TSHZ2: variants seen among roughly 807,000 people sequenced by gnomAD.
TSHZ2 encodes teashirt zinc finger homeobox 2.
TSHZ2 carries 21 observed loss-of-function variants against 74.4 expected under a neutral mutation model. The ratio of observed to expected loss-of-function variants is 0.28; its 90% CI spans 0.20 to 0.41. The LOEUF (loss-of-function observed/expected upper bound fraction) is 0.41, where lower values mean the gene tolerates loss of function less well. TSHZ2 is among the 10% of genes least tolerant of loss of function. The pLI, the probability that TSHZ2 is intolerant of heterozygous loss-of-function variation, is 1.00. For synonymous variants in TSHZ2, 540 were observed against 515.3 expected, an observed-to-expected ratio of 1.05 and a Z score of -0.65; for missense variants, 1,244 against 1,293.5, an observed-to-expected ratio of 0.96 and a Z score of 0.59.
chr20:52,972,646 A>C lies in TSHZ2; in HGVS notation c.-648A>C, dbSNP rs1166386052. On this transcript the variant is annotated 5_prime_UTR_variant, in exon 1 of 3. Transcript: ENST00000371497. ...GGGATCTGACAGCAGCCACAAACCT[A>C]CAGTGAGTGATCGCTCTCCCCCCGG... is the stretch of plus-strand genomic sequence containing the variant. The C allele has an allele frequency of 6.6e-6, 1 of 151,800 alleles. No homozygotes were observed. The allele number at this position is 151,800 out of a possible 1,614,324, so 9.4% of individuals were successfully genotyped here. A position where few individuals can be genotyped will look rare whatever the true frequency, so the allele number is the denominator to read the frequency against.
intron 1 of TSHZ2, among the ~76,000 whole-genome samples, chr20:53,001,230 G>GTGTGTGTGTATA (rs1555813624): frequency 7.9e-6 from 1 of 126,114 alleles, no homozygotes; most frequent in African/African-American, 3.0e-5. Flanking sequence ...GTGTGTGTGT[G>GTGTGTGTGTATA]TGTGTGTGTG....
intron 1 of TSHZ2, among the ~76,000 whole-genome samples, chr20:53,189,266 G>A (rs1988674747): frequency 6.6e-6 from 1 of 152,140 alleles, no homozygotes; most frequent in Non-Finnish European, 1.5e-5. Context: ...TATGCAAATA[G>A]CTGCAAGAAG....
At chr20:53,214,581 C>T (rs536595958) in intron 1 of TSHZ2, among the ~76,000 whole-genome samples, 3 of 152,278 alleles carry the variant, frequency 2.0e-5, no homozygotes, top group South Asian at 4.1e-4. Flanking sequence ...GGCATGGTGG[C>T]ACGTGCCTTT....
intron 1 of TSHZ2, among the ~76,000 whole-genome samples, chr20:53,105,795 C>T (rs1297370829): frequency 6.6e-6 from 1 of 151,838 alleles, no homozygotes; most frequent in Non-Finnish European, 1.5e-5. Context: ...TGCAGGCACA[C>T]CCCACCATGC....
chr20:53,407,934 T>C (rs1208140846), intron 2 of TSHZ2, among the ~76,000 whole-genome samples: 1 of 152,174 alleles, frequency 6.6e-6, no homozygotes, highest in African/African-American at 2.4e-5. Flanking sequence ...TTTCCAACCA[T>C]TTAAAAATGT....
At chr20:53,185,614 C>T (rs891177281) in intron 1 of TSHZ2, 13 of 1,534,400 alleles carry the variant, frequency 8.5e-6, no homozygotes, top group Non-Finnish European at 1.0e-5. Context: ...AGCAAGACTC[C>T]ATCTCAAAAA....
intron 2 of TSHZ2, among the ~76,000 whole-genome samples, chr20:53,440,856 A>AAAAAC (rs1984285018): frequency 6.6e-6 from 1 of 152,248 alleles, no homozygotes; most frequent in Non-Finnish European, 1.5e-5. Context: ...CACGTTGGGA[A>AAAAAC]AAAACAAGAC....
chr20:53,290,266 A>G (rs547800977), intron 2 of TSHZ2, among the ~76,000 whole-genome samples: 1 of 151,710 alleles, frequency 6.6e-6, no homozygotes, highest in African/African-American at 2.4e-5. Flanking sequence ...CTTGGCCCCT[A>G]TATGCACTGC....
intron 1 of TSHZ2, among the ~76,000 whole-genome samples, chr20:53,120,906 A>G (rs991494581): frequency 6.6e-6 from 1 of 152,218 alleles, no homozygotes; most frequent in Non-Finnish European, 1.5e-5. Flanking sequence ...TGACAATCAA[A>G]TCATAGAAGA....
In TSHZ2 at chr20:53,492,272, C is replaced by T. The variant is rs1330018185; in HGVS notation, c.*5137C>T. The T allele has an allele frequency of 1.3e-5, 2 of 152,116 alleles. No homozygotes were observed. Among genetic ancestry groups the T allele is most frequent in the Non-Finnish European group, 2.9e-5 (2 of 68,018 alleles). 9.4% of individuals were successfully genotyped at this position (152,116 alleles called of 1,614,324 possible). A position where few individuals can be genotyped will look rare whatever the true frequency, so the allele number is the denominator to read the frequency against. On this transcript the variant is annotated 3_prime_UTR_variant, in exon 3 of 3. Coordinates refer to ENST00000371497, the MANE Select transcript of TSHZ2 (RefSeq NM_173485.6). ...AGTAATATTTTCACTTTCTAAATGA[C>T]CCATATAACATTCAGGAATTATAGA... is the stretch of plus-strand genomic sequence containing the variant.
intron 1 of TSHZ2, among the ~76,000 whole-genome samples, chr20:53,214,925 G>T (rs898440855): frequency 6.6e-6 from 1 of 152,120 alleles, no homozygotes; most frequent in African/African-American, 2.4e-5. Flanking sequence ...ATTTGTGAAG[G>T]ATGTGGCATT....
intron 1 of TSHZ2, among the ~76,000 whole-genome samples, chr20:53,095,735 C>T (rs1262199236): frequency 6.6e-6 from 1 of 152,114 alleles, no homozygotes; most frequent in Non-Finnish European, 1.5e-5. Context: ...TGGCCTCTAC[C>T]CCTGTGATGC....
intron 1 of TSHZ2, among the ~76,000 whole-genome samples, chr20:53,187,662 C>T (rs1250853130): frequency 1.3e-5 from 2 of 151,660 alleles, no homozygotes; most frequent in African/African-American, 4.9e-5. Context: ...TCAAGCTCCA[C>T]ATGGCTGCAT....
At chr20:53,369,087 C>T (rs1981375881) in intron 2 of TSHZ2, among the ~76,000 whole-genome samples, 1 of 152,074 alleles carries the variant, frequency 6.6e-6, no homozygotes, top group African/African-American at 2.4e-5. Flanking sequence ...CATGGCGAAA[C>T]CCCGTCTCTA....
chr20:53,019,256 T>A (rs1039890333), intron 1 of TSHZ2, among the ~76,000 whole-genome samples: 24 of 152,114 alleles, frequency 1.6e-4, no homozygotes, highest in African/African-American at 5.6e-4. Flanking sequence ...GGGTTTTTTT[T>A]TTTTTCTTTT....
intron 1 of TSHZ2, among the ~76,000 whole-genome samples, chr20:53,247,646 C>A (rs1254231210): frequency 6.6e-6 from 1 of 152,192 alleles, no homozygotes; most frequent in Non-Finnish European, 1.5e-5. Context: ...ACTGGGTACA[C>A]GCTGAGAAAT....
At chr20:53,286,597 A>T (rs1266709174) in intron 2 of TSHZ2, among the ~76,000 whole-genome samples, 3 of 152,160 alleles carry the variant, frequency 2.0e-5, no homozygotes, top group Non-Finnish European at 4.4e-5. Context: ...TTATTCAAAT[A>T]TGTAAAAACA....
At chr20:53,179,139 T>C (rs1988414535) in intron 1 of TSHZ2, 1 of 125,344 alleles carries the variant, frequency 8.0e-6, no homozygotes. Context: ...TTGATACAAA[T>C]GTTGATTTTT....
chr20:53,195,839 C>T (rs139916186), intron 1 of TSHZ2, among the ~76,000 whole-genome samples: 88 of 152,284 alleles, frequency 5.8e-4, no homozygotes, highest in African/African-American at 2.0e-3. Flanking sequence ...CTCTCTTCTG[C>T]CCTCCCTCCT....
Sources: allele counts gnomAD v4.1 joint callset (sites outside exome capture counted in the v4.1 genomes callset), GRCh38; gene constraint gnomAD v4.1.1; transcripts MANE v1.5; gene names NCBI Gene and HGNC (gene_info 2026-07-23, HGNC 2026-07-21).